HSPA4L: variants seen among roughly 807,000 people sequenced by gnomAD.
HSPA4L encodes heat shock 70 kDa protein 4L.
HSPA4L carries 48 observed loss-of-function variants against 100.3 expected under a neutral mutation model. The ratio of observed to expected loss-of-function variants is 0.48; its 90% CI spans 0.38 to 0.61. The LOEUF (loss-of-function observed/expected upper bound fraction) is 0.61, where lower values mean the gene tolerates loss of function less well. Among genes scored for constraint, HSPA4L ranks in the 20% least tolerant of loss-of-function variants. The pLI, the probability that HSPA4L is intolerant of heterozygous loss-of-function variation, is 0.00. For synonymous variants in HSPA4L, 319 were observed against 328.2 expected (o/e 0.97, Z 0.30); for missense variants, 886 against 988.6 (o/e 0.90, Z 1.39).
intron 1 of HSPA4L, among the ~76,000 whole-genome samples, chr4:127,790,637 A>G (rs535452667): frequency 6.6e-6 from 1 of 152,302 alleles, no homozygotes; most frequent in South Asian, 2.1e-4. Context: ...TGGATGCCTC[A>G]AACTTACCTC....
chr4:127,818,884 A>T (rs902690501), intron 13 of HSPA4L, among the ~76,000 whole-genome samples: 2 of 140,226 alleles, frequency 1.4e-5, no homozygotes, highest in African/African-American at 2.7e-5. Flanking sequence ...TTAAAAGTTT[A>T]AAAAAAAAAA....
intron 11 of HSPA4L, among the ~76,000 whole-genome samples, chr4:127,810,141 GAA>G (rs953875812): frequency 9.3e-5 from 14 of 151,148 alleles, no homozygotes; most frequent in African/African-American, 2.4e-4. Context: ...AAAAATAATA[GAA>G]AAAAAAGGAA....
chr4:127,801,487 GTGTGTGTGTGTGTGTA>G (rs1424109193), intron 5 of HSPA4L, among the ~76,000 whole-genome samples: 3 of 150,254 alleles, frequency 2.0e-5, no homozygotes, highest in East Asian at 3.9e-4. Context: ...GTGTGTGTGT[GTGTGTGTGTGTGTGTA>G]TGTACTGATT....
chr4:127,812,558 C>T (rs1373421876), intron 12 of HSPA4L, among the ~76,000 whole-genome samples: 1 of 151,894 alleles, frequency 6.6e-6, no homozygotes, highest in Non-Finnish European at 1.5e-5. Context: ...TTTATGTGTG[C>T]TCCTCATGAA....
At chr4:127,794,249 G>T in intron 2 of HSPA4L, 115 bp downstream of exon 2, 1 of 656,470 alleles carries the variant, frequency 1.5e-6, no homozygotes, top group South Asian at 2.8e-5. Context: ...AAATAGGACA[G>T]GTACTACATC....
chr4:127,795,591 T>TTCTGAAG (rs1732995398), intron 2 of HSPA4L, among the ~76,000 whole-genome samples, 177 bp from the exon 3 acceptor site: 2 of 152,130 alleles, frequency 1.3e-5, no homozygotes, highest in African/African-American at 4.8e-5. Flanking sequence ...TTAAAATGTG[T>TTCTGAAG]ACATTCTCAT....
At chr4:127,804,540 A>G (rs1438680204) in intron 8 of HSPA4L, among the ~76,000 whole-genome samples, 1 of 151,342 alleles carries the variant, frequency 6.6e-6, no homozygotes, top group Non-Finnish European at 1.5e-5. Context: ...TGGGAGGCGG[A>G]TGTTGCAGTG....
chr4:127,798,214 C>T (rs557712899), intron 3 of HSPA4L, among the ~76,000 whole-genome samples: 2 of 152,048 alleles, frequency 1.3e-5, no homozygotes, highest in East Asian at 3.9e-4. Context: ...ATTTTAAACC[C>T]AGGGAGAGTT....
At chr4:127,794,472 T>A (rs1028534039) in intron 2 of HSPA4L, among the ~76,000 whole-genome samples, 5 of 152,058 alleles carry the variant, frequency 3.3e-5, no homozygotes, top group African/African-American at 9.7e-5. Flanking sequence ...GATAGTTAAG[T>A]AACATCTTTG....
chr4:127,808,262 C>G (rs913876718), intron 11 of HSPA4L, 133 bp downstream of exon 11: 8 of 722,716 alleles, frequency 1.1e-5, no homozygotes, highest in Middle Eastern at 4.0e-4. Flanking sequence ...TATACTCTTT[C>G]TAGAAATGTG....
chr4:127,791,973 T>C (rs1446097401), intron 1 of HSPA4L, among the ~76,000 whole-genome samples: 2 of 152,230 alleles, frequency 1.3e-5, no homozygotes, highest in African/African-American at 2.4e-5. Flanking sequence ...GCCAGGCATA[T>C]AGTAATTATT....
chr4:127,823,272 A>C (rs1342609179), intron 15 of HSPA4L, among the ~76,000 whole-genome samples: 5 of 151,980 alleles, frequency 3.3e-5, no homozygotes, highest in Non-Finnish European at 5.9e-5. Context: ...CCTCACCCTC[A>C]TAAGTAGATG....
chr4:127,820,162 A>ATTAT (rs1733771047), intron 13 of HSPA4L, among the ~76,000 whole-genome samples: 1 of 152,072 alleles, frequency 6.6e-6, no homozygotes, highest in Non-Finnish European at 1.5e-5. Context: ...ACTAACACTT[A>ATTAT]TTATTTTATA....
At chr4:127,809,947 T>C (rs905346034) in intron 11 of HSPA4L, among the ~76,000 whole-genome samples, 1 of 152,218 alleles carries the variant, frequency 6.6e-6, no homozygotes. Flanking sequence ...ACAGTCAACA[T>C]GTATCATCCT....
At chr4:127,789,412 T>C (rs1008953172) in intron 1 of HSPA4L, among the ~76,000 whole-genome samples, 7 of 152,280 alleles carry the variant, frequency 4.6e-5, no homozygotes, top group Admixed American at 1.3e-4. Context: ...TTTGGGAGGC[T>C]GAGGCGGGCA....
chr4:127,801,205 A>C lies in HSPA4L; in HGVS notation c.497A>C (p.Asn166Thr). ...GCTGCAGCCCAGGTTGCAGGCTTAAATTGTTTAAGGTTGATGAATGAAACT... is the reference window on the plus strand; with the variant it reads ...GCTGCAGCCCAGGTTGCAGGCTTAACTTGTTTAAGGTTGATGAATGAAACT... ...VMAAAQVAGL[N>T]CLRLMNETTA... Residue 166 changes from asparagine to threonine, a missense_variant, in exon 5 of 19, where the codon AAT becomes ACT. By Grantham distance (65) the Asn-to-Thr change is moderately conservative. Coordinates refer to ENST00000296464, the MANE Select transcript of HSPA4L (RefSeq NM_014278.4). The C allele has an allele frequency of 6.2e-7, 1 of 1,612,668 alleles. No homozygotes were observed. Among genetic ancestry groups the C allele is most frequent in the Non-Finnish European group, 8.5e-7 (1 of 1,179,358 alleles).
At chr4:127,788,687 G>T (rs1197133810) in intron 1 of HSPA4L, among the ~76,000 whole-genome samples, 1 of 152,142 alleles carries the variant, frequency 6.6e-6, no homozygotes, top group Non-Finnish European at 1.5e-5. Context: ...ATATTTTGGG[G>T]TATGTCACAA....
intron 11 of HSPA4L, among the ~76,000 whole-genome samples, chr4:127,809,641 G>A (rs1733471196): frequency 6.6e-6 from 1 of 152,172 alleles, no homozygotes; most frequent in African/African-American, 2.4e-5. Flanking sequence ...TAATCAGGAT[G>A]ATGAGAGCTG....
At chr4:127,818,579 T>C (rs1733733932) in intron 13 of HSPA4L, among the ~76,000 whole-genome samples, 159 bp downstream of exon 13, 1 of 152,236 alleles carries the variant, frequency 6.6e-6, no homozygotes, top group Non-Finnish European at 1.5e-5. Context: ...AATGATTTAT[T>C]AAGAGTTGTG....
Sources: allele counts gnomAD v4.1 joint callset (sites outside exome capture counted in the v4.1 genomes callset), GRCh38; gene constraint gnomAD v4.1.1; transcripts MANE v1.5; gene names NCBI Gene and HGNC (gene_info 2026-07-23, HGNC 2026-07-21).